NTM: variants seen among roughly 807,000 people sequenced by gnomAD.
NTM encodes neurotrimin.
A neutral mutation model predicts 42.1 loss-of-function variants in NTM; 13 were observed. That is an observed-to-expected ratio of 0.31 (90% CI 0.20 to 0.49). NTM has a LOEUF of 0.49. Ranked by LOEUF, NTM falls within the 20% of genes least tolerant of loss-of-function variation. NTM has a pLI of 0.99. For synonymous variants in NTM, 187 were observed against 179.2 expected (o/e 1.04, Z -0.35); for missense variants, 373 against 452.8 (o/e 0.82, Z 1.60).
At chr11:131,996,879 T>A (rs1176759541) in intron 2 of NTM, among the ~76,000 whole-genome samples, 1 of 152,032 alleles carries the variant, frequency 6.6e-6, no homozygotes, top group African/African-American at 2.4e-5. Context: ...CTCTGCCACA[T>A]CCCCGCCCCT....
At chr11:131,703,893 G>C (rs1156389369) in intron 1 of NTM, among the ~76,000 whole-genome samples, 1 of 152,014 alleles carries the variant, frequency 6.6e-6, no homozygotes, top group African/African-American at 2.4e-5. Flanking sequence ...TTCCAGGCCT[G>C]CCTCGATGGC....
chr11:131,378,555 T>C (rs2135505187), intron 1 of NTM, among the ~76,000 whole-genome samples: 2 of 152,278 alleles, frequency 1.3e-5, no homozygotes, highest in Admixed American at 1.3e-4. Context: ...TATGCATGCA[T>C]TTATTTACCT....
intron 1 of NTM, among the ~76,000 whole-genome samples, chr11:131,823,323 A>T (rs1255224062): frequency 6.6e-6 from 1 of 152,160 alleles, no homozygotes; most frequent in East Asian, 1.9e-4. Context: ...TGTTGAATTC[A>T]TCTAAATCTC....
At chr11:132,273,498 A>T (rs763462409) in intron 4 of NTM, among the ~76,000 whole-genome samples, 2 of 152,122 alleles carry the variant, frequency 1.3e-5, no homozygotes, top group African/African-American at 4.8e-5. Context: ...AATAGGTATC[A>T]GTTCTTCAAA....
chr11:131,656,197 T>C (rs1051525776), intron 1 of NTM, among the ~76,000 whole-genome samples: 3 of 152,216 alleles, frequency 2.0e-5, no homozygotes, highest in Non-Finnish European at 4.4e-5. Flanking sequence ...TAGTGTTTTA[T>C]GCAAGGAAAG....
intron 3 of NTM, among the ~76,000 whole-genome samples, chr11:132,160,658 G>T (rs1289069629): frequency 6.6e-6 from 1 of 152,202 alleles, no homozygotes; most frequent in African/African-American, 2.4e-5. Context: ...AGAGAGCTGG[G>T]CTGAATACCA....
intron 4 of NTM, among the ~76,000 whole-genome samples, chr11:132,285,794 C>A (rs755676010): frequency 1.3e-5 from 2 of 152,226 alleles, no homozygotes; most frequent in Non-Finnish European, 2.9e-5. Context: ...GTCGCTGTCC[C>A]TTAGACTGTC....
chr11:131,695,381 A>C (rs971755164), intron 1 of NTM, among the ~76,000 whole-genome samples: 6 of 152,136 alleles, frequency 3.9e-5, no homozygotes, highest in African/African-American at 1.2e-4. Flanking sequence ...TGAACGAATG[A>C]CTTTACGCAA....
intron 3 of NTM, among the ~76,000 whole-genome samples, chr11:132,169,320 C>CTGTTTTTTTTTTTTTTTTTTTT (rs2075775223): frequency 3.1e-5 from 1 of 32,358 alleles, no homozygotes; most frequent in Non-Finnish European, 5.4e-5. Flanking sequence ...AATTTTTTTA[C>CTGTTTTTTTTTTTTTTTTTTTT]TTTTTTTTTT....
At chr11:131,506,282 G>A (rs1232274981) in intron 1 of NTM, among the ~76,000 whole-genome samples, 1 of 152,156 alleles carries the variant, frequency 6.6e-6, no homozygotes, top group African/African-American at 2.4e-5. Flanking sequence ...GACATCTGGT[G>A]CCTGAGGCTT....
At chr11:132,100,080 A>G (rs982657197) in intron 2 of NTM, among the ~76,000 whole-genome samples, 4 of 152,248 alleles carry the variant, frequency 2.6e-5, no homozygotes, top group African/African-American at 9.6e-5. Context: ...CCAAATTAAA[A>G]CAAAAACAAA....
At chr11:131,878,594 A>AATATATATATAT (rs201069325) in intron 1 of NTM, among the ~76,000 whole-genome samples, 3 of 19,340 alleles carry the variant, frequency 1.6e-4, no homozygotes, top group Non-Finnish European at 2.9e-4. Flanking sequence ...AAAAAAAAAA[A>AATATATATATAT]ATATATATAT....
chr11:131,583,972 CCTGT>C (rs1438395531), intron 1 of NTM, among the ~76,000 whole-genome samples: 4 of 152,186 alleles, frequency 2.6e-5, no homozygotes, highest in African/African-American at 9.7e-5. Context: ...GCTCTCTCCT[CCTGT>C]CTAACAAGAT....
intron 1 of NTM, among the ~76,000 whole-genome samples, chr11:131,729,549 C>A (rs11604626): frequency 2.6e-5 from 4 of 152,130 alleles, no homozygotes; most frequent in African/African-American, 9.7e-5. Context: ...ATTTTTATCA[C>A]CCCCAAAAGA....
chr11:131,887,114 G>A (rs138340347), intron 1 of NTM, among the ~76,000 whole-genome samples: 1 of 152,278 alleles, frequency 6.6e-6, no homozygotes, highest in East Asian at 1.9e-4. Flanking sequence ...CACTTGAAAT[G>A]TTCTAACAGA....
At chr11:131,703,748 A>C (rs1280631688) in intron 1 of NTM, among the ~76,000 whole-genome samples, 3 of 152,216 alleles carry the variant, frequency 2.0e-5, no homozygotes, top group African/African-American at 7.2e-5. Flanking sequence ...ACCACCACCC[A>C]AACGTCACTC....
rs1360272014 is a variant in NTM at position 132,030,599 on chromosome 11, G to A, written c.168-115683G>A. Among the ~76,000 whole-genome samples the A allele has an allele frequency of 5.3e-5, 8 of 152,352 alleles. No individual in the cohort carries two copies. In the South Asian group the frequency reaches 1.2e-3, roughly 24 times the overall value. On this transcript the variant is annotated intron_variant, in intron 2 of 8. Coordinates refer to ENST00000683400, the MANE Select transcript of NTM (RefSeq NM_001352005.2). ...CCCTCTTTGTTAAGATAATATTTAA[G>A]TAGAGATCTGAAGGAAGTGAAGAGG...
intron 1 of NTM, among the ~76,000 whole-genome samples, chr11:131,654,744 C>A (rs1376346005): frequency 1.3e-5 from 2 of 152,072 alleles, no homozygotes; most frequent in African/African-American, 4.8e-5. Flanking sequence ...CTCTTGTTCC[C>A]TCTCTCACCA....
At chr11:131,718,307 T>C (rs2077941809) in intron 1 of NTM, among the ~76,000 whole-genome samples, 1 of 152,220 alleles carries the variant, frequency 6.6e-6, no homozygotes, top group Non-Finnish European at 1.5e-5. Flanking sequence ...CTTCACTGTT[T>C]GGTAGCATTT....
Sources: gnomAD v4.1 joint callset for allele counts (sites outside exome capture counted in the v4.1 genomes callset) on GRCh38, gnomAD v4.1.1 for gene constraint, MANE v1.5 for transcripts, NCBI Gene and HGNC (gene_info 2026-07-23, HGNC 2026-07-21) for gene names.